The following NTM variants were observed in gnomAD, a reference collection of about 807,000 sequenced individuals.
NTM encodes IgLON family member 2.
In NTM, 13 loss-of-function variants were observed where a neutral mutation model predicts 42.1. The observed-to-expected ratio is 0.31, with a 90% confidence interval of 0.20 to 0.49. The LOEUF is 0.49. Among genes scored for constraint, NTM ranks in the 20% least tolerant of loss-of-function variants. The probability of loss-of-function intolerance (pLI) is 0.99; values close to 1 mark genes in which losing one functional copy is unlikely to be tolerated. For missense variants in NTM, 373 were observed against 452.8 expected (o/e 0.82, Z 1.60); for synonymous variants, 187 against 179.2 (o/e 1.04, Z -0.35).
intron 1 of NTM, among the ~76,000 whole-genome samples, chr11:131,439,390 T>C (rs2135964182): frequency 6.6e-6 from 1 of 152,350 alleles, no homozygotes; most frequent in East Asian, 1.9e-4. Flanking sequence ...CTGCCTTTTG[T>C]TCAGCTATGC....
chr11:132,221,892 A>C (rs1201273934), intron 4 of NTM, among the ~76,000 whole-genome samples: 5 of 152,210 alleles, frequency 3.3e-5, no homozygotes, highest in African/African-American at 4.8e-5. Context: ...TCCAAAATCC[A>C]TATTGTTAAT....
intron 1 of NTM, among the ~76,000 whole-genome samples, chr11:131,503,654 C>CT (rs1298936162): frequency 6.6e-6 from 1 of 151,432 alleles, no homozygotes; most frequent in Non-Finnish European, 1.5e-5. Flanking sequence ...TCCCAAATAG[C>CT]TGGGACCACA....
At chr11:131,908,141 T>C (rs1183721499) in intron 1 of NTM, among the ~76,000 whole-genome samples, 1 of 152,186 alleles carries the variant, frequency 6.6e-6, no homozygotes, top group Non-Finnish European at 1.5e-5. Flanking sequence ...TTGCTAAGCT[T>C]AGTGCTTTCC....
At chr11:131,996,087 A>G (rs997796235) in intron 2 of NTM, among the ~76,000 whole-genome samples, 2 of 152,156 alleles carry the variant, frequency 1.3e-5, no homozygotes, top group African/African-American at 4.8e-5. Flanking sequence ...CATAAATTCT[A>G]TAGGGAAATT....
At chr11:131,743,508 A>G (rs1008421859) in intron 1 of NTM, among the ~76,000 whole-genome samples, 3 of 152,242 alleles carry the variant, frequency 2.0e-5, no homozygotes, top group East Asian at 1.9e-4. Context: ...CCTAAAAGGA[A>G]TAATTCACCA....
chr11:131,603,218 C>T (rs1389705443), intron 1 of NTM, among the ~76,000 whole-genome samples: 1 of 152,120 alleles, frequency 6.6e-6, no homozygotes, highest in African/African-American at 2.4e-5. Context: ...TTTATTCATG[C>T]TAAACCACGT....
At chr11:132,201,719 T>C (rs1320617228) in intron 3 of NTM, among the ~76,000 whole-genome samples, 5 of 152,256 alleles carry the variant, frequency 3.3e-5, no homozygotes, top group African/African-American at 1.2e-4. Flanking sequence ...TACCACTAAT[T>C]CATTGAACTC....
chr11:131,378,488 T>A (rs1338861435), intron 1 of NTM, among the ~76,000 whole-genome samples: 1 of 152,186 alleles, frequency 6.6e-6, no homozygotes, highest in African/African-American at 2.4e-5. Flanking sequence ...ATGTAAATGG[T>A]GTGTGTGCGT....
intron 1 of NTM, among the ~76,000 whole-genome samples, chr11:131,655,452 A>G (rs2067058773): frequency 6.6e-6 from 1 of 152,240 alleles, no homozygotes; most frequent in Admixed American, 6.5e-5. Flanking sequence ...AAAAACAGGA[A>G]ACCTGAAAAA....
At chr11:131,551,162 C>T (rs1009624785) in intron 1 of NTM, among the ~76,000 whole-genome samples, 1 of 152,194 alleles carries the variant, frequency 6.6e-6, no homozygotes, top group Non-Finnish European at 1.5e-5. Context: ...TGACACTGGT[C>T]CCAGCTCAGC....
chr11:132,317,018 A>G (rs2095446375), intron 7 of NTM, among the ~76,000 whole-genome samples: 1 of 152,174 alleles, frequency 6.6e-6, no homozygotes, highest in Non-Finnish European at 1.5e-5. Context: ...TTGTGCATAA[A>G]CTGCACGCTC....
At chr11:132,247,030 C>T (rs1044776366) in intron 4 of NTM, among the ~76,000 whole-genome samples, 2 of 152,216 alleles carry the variant, frequency 1.3e-5, no homozygotes, top group Non-Finnish European at 2.9e-5. Flanking sequence ...AACCTGGTGC[C>T]CACCCTCACA....
intron 1 of NTM, among the ~76,000 whole-genome samples, chr11:131,872,615 G>A (rs1267199531): frequency 6.6e-6 from 1 of 152,148 alleles, no homozygotes; most frequent in Non-Finnish European, 1.5e-5. Flanking sequence ...ATGTATAGTT[G>A]AAAGAATATG....
intron 1 of NTM, among the ~76,000 whole-genome samples, chr11:131,754,260 T>C (rs992453831): frequency 6.6e-5 from 10 of 151,684 alleles, no homozygotes; most frequent in Non-Finnish European, 1.2e-4. Flanking sequence ...TGTGCACATG[T>C]ACCCTAAAAC....
At chr11:132,147,080 A>G (rs1281328866) in intron 3 of NTM, among the ~76,000 whole-genome samples, 1 of 151,638 alleles carries the variant, frequency 6.6e-6, no homozygotes, top group Non-Finnish European at 1.5e-5. Context: ...TCTCCCATAT[A>G]ATACTGGTGT....
chr11:131,772,120 C>T (rs2086199630), intron 1 of NTM, among the ~76,000 whole-genome samples: 1 of 152,114 alleles, frequency 6.6e-6, no homozygotes, highest in Admixed American at 6.6e-5. Context: ...TTATCAAGCT[C>T]CTGATTTGAG....
At chr11:132,239,279 C>T (rs2089722349) in intron 4 of NTM, among the ~76,000 whole-genome samples, 1 of 152,190 alleles carries the variant, frequency 6.6e-6, no homozygotes. Context: ...GAAATAAATA[C>T]ATTTTCTGCT....
At chr11:131,823,675 A>G (rs1229072857) in intron 1 of NTM, among the ~76,000 whole-genome samples, 1 of 152,238 alleles carries the variant, frequency 6.6e-6, no homozygotes, top group Non-Finnish European at 1.5e-5. Flanking sequence ...TAATTGAAAG[A>G]GTATTTTCCT....
chr11:131,387,021 C>G (rs1290567164), intron 1 of NTM, among the ~76,000 whole-genome samples: 1 of 152,146 alleles, frequency 6.6e-6, no homozygotes, highest in Non-Finnish European at 1.5e-5. Flanking sequence ...TTCTTAATCT[C>G]CACATCAATC....
Sources: allele counts gnomAD v4.1 joint callset (sites outside exome capture counted in the v4.1 genomes callset), GRCh38; gene constraint gnomAD v4.1.1; transcripts MANE v1.5; gene names NCBI Gene and HGNC (gene_info 2026-07-23, HGNC 2026-07-21).